DSN1: variants seen among roughly 807,000 people sequenced by gnomAD.
DSN1 encodes DSN1 component of MIS12 kinetochore complex.
DSN1 carries 31 observed loss-of-function variants against 45.7 expected under a neutral mutation model. The ratio of observed to expected loss-of-function variants is 0.68; its 90% CI spans 0.51 to 0.92. The LOEUF is 0.92. DSN1 is among the 40% of genes least tolerant of loss of function. DSN1 has a pLI of 0.00. For synonymous variants in DSN1, 134 were observed against 142.3 expected, an observed-to-expected ratio of 0.94 and a Z score of 0.41; for missense variants, 394 against 414.2, an observed-to-expected ratio of 0.95 and a Z score of 0.42.
At chr20:36,760,064 T>C (rs1164112718) in intron 6 of DSN1, among the ~76,000 whole-genome samples, 1 of 151,432 alleles carries the variant, frequency 6.6e-6, no homozygotes, top group Non-Finnish European at 1.5e-5. Context: ...GCCAACATGG[T>C]GAAACCCCGT....
At position 36,754,791 on chromosome 20, in the gene DSN1, C is replaced by G. The variant is rs1390343287; in HGVS notation, c.933G>C (p.Gln311His). ...QLQAFMDEST[Q>H]CFQKVSVQLG... is the part of the protein sequence containing the mutation. ...GCTGTACTGACACCTTCTGGAAGCACTGGGTACTTTCATCCATAAAGGCCT... is the reference window on the plus strand; with the variant it reads ...GCTGTACTGACACCTTCTGGAAGCAGTGGGTACTTTCATCCATAAAGGCCT... The change falls in exon 10 of 11, where the codon CAG (glutamine) becomes CAC (histidine). Residue 311 changes from glutamine (Q) to histidine (H), a missense_variant. Gln to His is a conservative substitution (Grantham distance 24, BLOSUM62 0). Coordinates refer to ENST00000373750, the MANE Select transcript of DSN1 (RefSeq NM_001145315.2). 20 of 1,613,962 alleles carry G rather than the reference C, an allele frequency of 1.2e-5. No homozygotes were observed. The highest frequency in any genetic ancestry group is 1.5e-5 in the Non-Finnish European group (18 of 1,179,878).
At chr20:36,770,790 A>G (rs966079740) in intron 3 of DSN1, 83 bp downstream of exon 3, 62 of 1,463,656 alleles carry the variant, frequency 4.2e-5, no homozygotes, top group Middle Eastern at 2.5e-4. Context: ...ACTTTCTGCC[A>G]TACCTCACTG....
intron 5 of DSN1, among the ~76,000 whole-genome samples, chr20:36,766,268 G>A (rs1307163648): frequency 6.6e-6 from 1 of 151,660 alleles, no homozygotes; most frequent in African/African-American, 2.4e-5. Flanking sequence ...GGTGGCCATA[G>A]CTACCTTTGG....
intron 6 of DSN1, among the ~76,000 whole-genome samples, chr20:36,759,716 C>T (rs1343945594): frequency 2.0e-5 from 3 of 151,894 alleles, no homozygotes; most frequent in Non-Finnish European, 4.4e-5. Flanking sequence ...ATCTCCTGAC[C>T]TCGTGATCCG....
At position 36,771,471 on chromosome 20, in the gene DSN1, ACT is replaced by A. The variant is rs1267135241; in HGVS notation, c.-15_-14del. 6.2e-7 allele frequency: 1 copy of A among 1,613,368 alleles called. No homozygotes were observed. On this transcript the variant is annotated splice_region_variant and 5_prime_UTR_variant, in exon 2 of 11. Transcript: ENST00000373750. The stretch of plus-strand genomic sequence containing the variant: ...TCACTGAAGTCATCCTAGGTGGTAA[ACT>A]CTGAAAATAGGAAAATGGAAGTGAT...
intron 4 of DSN1, among the ~76,000 whole-genome samples, chr20:36,767,349 T>C (rs948868627): frequency 7.9e-5 from 12 of 152,052 alleles, no homozygotes; most frequent in Non-Finnish European, 1.6e-4. Flanking sequence ...AAAAGACTTT[T>C]TGTTGCTTGG....
intron 1 of DSN1, 115 bp from the exon 2 acceptor site, chr20:36,771,588 T>C (rs1440373787): frequency 1.1e-5 from 9 of 842,428 alleles, no homozygotes; most frequent in Non-Finnish European, 1.9e-6. Context: ...TGAGCTACCC[T>C]TATCCACCTC....
chr20:36,756,271 C>T (rs1451961295), intron 8 of DSN1, among the ~76,000 whole-genome samples: 3 of 152,148 alleles, frequency 2.0e-5, no homozygotes, highest in African/African-American at 7.2e-5. Flanking sequence ...TGAGCCACCG[C>T]GCCTGGCCTT....
intron 6 of DSN1, among the ~76,000 whole-genome samples, chr20:36,758,947 A>G (rs545338575): frequency 3.0e-4 from 46 of 151,968 alleles, no homozygotes; most frequent in African/African-American, 1.0e-3. Flanking sequence ...TCAACCTCCC[A>G]AAGTGCTGGG....
At position 36,768,011 on chromosome 20, in the gene DSN1, T is replaced by C; in HGVS notation, c.387A>G (p.Ala129=). 2 of 1,614,178 alleles carry C rather than the reference T, an allele frequency of 1.2e-6. No individual in the cohort carries two copies. The highest frequency in any genetic ancestry group is 1.7e-6 in the Non-Finnish European group (2 of 1,180,016). The change falls in exon 4 of 11, where the codon GCA becomes GCG. Residue 129 remains alanine (A), a synonymous_variant. Coordinates refer to ENST00000373750, the MANE Select transcript of DSN1 (RefSeq NM_001145315.2). ...GGAGACAGCCAAGCCGTTTGCTTTC[T>C]GCTAAATCGACACTGATAGACCGGC... ...ELSRSISVDL[A]ESKRLGCLLL...
chr20:36,765,655 G>A lies in DSN1; in HGVS notation c.502+1114C>T, dbSNP rs145173026. Among the ~76,000 whole-genome samples, 1,137 of 151,184 alleles carry A rather than the reference G, an allele frequency of 7.5e-3. 6 individuals are homozygous for A. Among genetic ancestry groups the A allele is most frequent in the Non-Finnish European group, 0.012 (793 of 67,814 alleles). On this transcript the variant is annotated intron_variant, in intron 5 of 10. Coordinates refer to ENST00000373750, the MANE Select transcript of DSN1 (RefSeq NM_001145315.2). The stretch of plus-strand genomic sequence containing the variant: ...CTACAAAAAATACAAAAAATTAGCC[G>A]GGCGCAGTGGCCGACGCCTGTAGTC...
intron 6 of DSN1, among the ~76,000 whole-genome samples, chr20:36,761,224 G>T (rs963363864): frequency 3.3e-5 from 5 of 152,044 alleles, no homozygotes; most frequent in African/African-American, 1.2e-4. Flanking sequence ...TATCTTACAG[G>T]TTTCAAGCCC....
Position 36,771,141 on chromosome 20 carries a change from G to A in DSN1, c.87C>T (p.Leu29=). Residue 29 remains leucine (L), a synonymous_variant, in exon 3 of 11, where the codon CTC becomes CTT. Coordinates refer to ENST00000373750, the MANE Select transcript of DSN1 (RefSeq NM_001145315.2). The stretch of plus-strand genomic sequence containing the variant: ...TTTTAGCAAACACTTCCACAGGACT[G>A]AGACTTGATTCCAATTGATGATCAT... ...KTHDHQLESS[L]SPVEVFAKTS... is the part of the protein sequence containing the mutation. 1.2e-6 allele frequency: 2 copies of A among 1,614,072 alleles called. No homozygotes were observed. Among genetic ancestry groups the A allele is most frequent in the Non-Finnish European group, 1.7e-6 (2 of 1,180,010 alleles).
At chr20:36,763,410 G>GAAAAAAAAAA (rs71186016) in intron 5 of DSN1, among the ~76,000 whole-genome samples, 62 of 84,082 alleles carry the variant, frequency 7.4e-4, no homozygotes, top group Non-Finnish European at 8.2e-4. Context: ...CTCAAAAAAA[G>GAAAAAAAAAA]AAAAAAAAAA....
intron 1 of DSN1, 181 bp downstream of exon 1, chr20:36,773,481 C>G (rs1040238827): frequency 1.0e-6 from 1 of 985,584 alleles, no homozygotes. Context: ...TTCATTTCAC[C>G]CGGGAGGAGG....
chr20:36,757,380 C>T (rs566616243), intron 8 of DSN1, among the ~76,000 whole-genome samples: 6 of 150,464 alleles, frequency 4.0e-5, no homozygotes, highest in African/African-American at 1.5e-4. Flanking sequence ...AAACACCCAG[C>T]CCAGCCTGGC....
At chr20:36,753,052 T>C (rs988548352) in intron 10 of DSN1, among the ~76,000 whole-genome samples, 155 bp from the exon 11 acceptor site, 11 of 152,096 alleles carry the variant, frequency 7.2e-5, no homozygotes, top group African/African-American at 2.4e-4. Flanking sequence ...TTGGTAAGAA[T>C]GCCAGCCACA....
At chr20:36,766,036 T>C (rs1987313903) in intron 5 of DSN1, among the ~76,000 whole-genome samples, 1 of 149,548 alleles carries the variant, frequency 6.7e-6, no homozygotes. Flanking sequence ...CTACTAAGTA[T>C]ACAAAAAATT....
chr20:36,768,114 G>T, intron 3 of DSN1, 72 bp from the exon 4 acceptor site: 1 of 1,453,154 alleles, frequency 6.9e-7, no homozygotes, highest in Non-Finnish European at 9.6e-7. Context: ...ACTGAAAAAT[G>T]TCCTCCCTCT....
Sources: gnomAD v4.1 joint callset for allele counts (sites outside exome capture counted in the v4.1 genomes callset) on GRCh38, gnomAD v4.1.1 for gene constraint, MANE v1.5 for transcripts, NCBI Gene and HGNC (gene_info 2026-07-23, HGNC 2026-07-21) for gene names.